ZEB2: variants seen among roughly 807,000 people sequenced by gnomAD.
ZEB2 encodes zinc finger E-box-binding homeobox 2.
Under a neutral mutation model 99.9 loss-of-function variants are expected in ZEB2, and 6 were observed. The ratio of observed to expected loss-of-function variants is 0.06; its 90% CI spans 0.03 to 0.12. ZEB2 has a LOEUF of 0.12. Among genes scored for constraint, ZEB2 ranks in the 10% least tolerant of loss-of-function variants. The pLI, the probability that ZEB2 is intolerant of heterozygous loss-of-function variation, is 1.00. For missense variants in ZEB2, 969 were observed against 1,502.8 expected (o/e 0.64, Z 5.87); for synonymous variants, 517 against 542.5 (o/e 0.95, Z 0.65).
chr2:144,481,754 G>A (rs1046175502), intron 2 of ZEB2, among the ~76,000 whole-genome samples: 5 of 152,138 alleles, frequency 3.3e-5, no homozygotes, highest in African/African-American at 9.7e-5. Flanking sequence ...ATGTGTGCAC[G>A]AGTTACTTTA....
intron 9 of ZEB2, among the ~76,000 whole-genome samples, chr2:144,391,450 G>A (rs1703153086): frequency 6.6e-6 from 1 of 152,182 alleles, no homozygotes; most frequent in Non-Finnish European, 1.5e-5. Context: ...CCTACTTCAA[G>A]GTAGCTCATA....
intron 2 of ZEB2, among the ~76,000 whole-genome samples, chr2:144,441,959 A>C (rs1703923880): frequency 6.6e-6 from 1 of 152,230 alleles, no homozygotes; most frequent in South Asian, 2.1e-4. Flanking sequence ...ATTATTCAGA[A>C]GTTTACATAG....
intron 7 of ZEB2, 105 bp from the exon 8 acceptor site, chr2:144,400,375 G>C (rs1703294220): frequency 8.0e-7 from 1 of 1,255,310 alleles, no homozygotes; most frequent in African/African-American, 1.5e-5. Flanking sequence ...GAACACAATG[G>C]GGTACCTCTA....
intron 2 of ZEB2, chr2:144,495,417 G>A (rs1704744295): frequency 6.6e-6 from 1 of 152,134 alleles, no homozygotes; most frequent in Non-Finnish European, 1.5e-5. Context: ...ACTACATTAG[G>A]AGGGAAACGC....
At chr2:144,492,919 T>C (rs1004830182) in intron 2 of ZEB2, among the ~76,000 whole-genome samples, 12 of 152,222 alleles carry the variant, frequency 7.9e-5, no homozygotes, top group Non-Finnish European at 1.6e-4. Flanking sequence ...TGTCATGGCC[T>C]GAGCTGAGAT....
rs768856831 is a variant in ZEB2 at position 144,398,751 on chromosome 2, C to T, written c.2436G>A (p.Gln812=). The T allele has an allele frequency of 7.4e-6, 12 of 1,614,088 alleles. No homozygotes were observed. The highest frequency in any genetic ancestry group is 1.0e-5 in the Non-Finnish European group (12 of 1,180,020). Residue 812 remains glutamine, a synonymous_variant, in exon 8 of 10, where the codon CAG becomes CAA. Transcript: ENST00000627532. ...GTAATGACAAGTCTAAAGGCTCAGC[C>T]TGGAGCTCCTCAGAAGAGAAGCTGT... The part of the protein sequence containing the change: ...TPNSFSSEEL[Q]AEPLDLSLPK...
intron 2 of ZEB2, among the ~76,000 whole-genome samples, chr2:144,440,511 A>ATT (rs1703897108): frequency 3.3e-5 from 1 of 30,244 alleles, no homozygotes; most frequent in African/African-American, 1.3e-4. Flanking sequence ...ATATATATAT[A>ATT]TATATTTTTT....
intron 2 of ZEB2, among the ~76,000 whole-genome samples, chr2:144,511,090 C>T (rs755023801): frequency 4.6e-5 from 7 of 152,180 alleles, no homozygotes; most frequent in Admixed American, 6.5e-5. Flanking sequence ...ATTTGCCTCC[C>T]ACCAGATGAC....
intron 7 of ZEB2, 164 bp from the exon 8 acceptor site, chr2:144,400,434 C>T (rs1411584252): frequency 4.5e-5 from 35 of 771,576 alleles, no homozygotes; most frequent in Non-Finnish European, 7.3e-5. Flanking sequence ...CATTTCTGAA[C>T]TTTATCTGCC....
intron 9 of ZEB2, among the ~76,000 whole-genome samples, chr2:144,394,813 C>T (rs1703199552): frequency 6.6e-6 from 1 of 152,132 alleles, no homozygotes; most frequent in African/African-American, 2.4e-5. Context: ...CACAAAAACC[C>T]TCCCCACACT....
rs1308967544 is a variant in ZEB2 at position 144,387,164 on chromosome 2, T to G, written c.*2287A>C. 1 of 151,650 alleles carries G rather than the reference T, an allele frequency of 6.6e-6. No homozygotes were observed. Among genetic ancestry groups the G allele is most frequent in the East Asian group, 1.9e-4 (1 of 5,156 alleles). The allele number at this position is 151,650 out of a possible 1,614,324, so 9.4% of individuals were successfully genotyped here. A position where few individuals can be genotyped will look rare whatever the true frequency, so the allele number is the denominator to read the frequency against. On this transcript the variant is annotated 3_prime_UTR_variant, in exon 10 of 10. Transcript: ENST00000627532. ...ATTATGGCTAAGGAATAAATATAAA[T>G]ATGTTGTTCTTGCCAACTGGAAATA...
chr2:144,443,662 A>G (rs1414150897), intron 2 of ZEB2, among the ~76,000 whole-genome samples: 1 of 152,158 alleles, frequency 6.6e-6, no homozygotes, highest in Non-Finnish European at 1.5e-5. Flanking sequence ...GCTTGTGTTC[A>G]TTATATTTTT....
Position 144,389,367 on chromosome 2 carries a change from T to A in ZEB2, c.*84A>T, listed in dbSNP as rs1573707318. ...TTCCTGGAAGCGTCAGGCACGTGCA[T>A]GAACAGCTTAACACAGCAGTGTTTT... On this transcript the variant is annotated 3_prime_UTR_variant, in exon 10 of 10. Coordinates refer to ENST00000627532, the MANE Select transcript of ZEB2 (RefSeq NM_014795.4). This position sits in a 1 kb window ranked among gnomAD's most constrained non-coding sequence, Gnocchi z 6.8. The A allele has an allele frequency of 3.5e-5, 53 of 1,507,228 alleles. No individual in the cohort carries two copies. Among genetic ancestry groups the A allele is most frequent in the Non-Finnish European group, 4.7e-5 (51 of 1,084,914 alleles). The allele number at this position is 1,507,228 out of a possible 1,614,324, so 93.4% of individuals were successfully genotyped here.
intron 4 of ZEB2, among the ~76,000 whole-genome samples, chr2:144,416,979 A>G (rs1198846805): frequency 6.6e-6 from 1 of 152,376 alleles, no homozygotes; most frequent in Non-Finnish European, 1.5e-5. Context: ...GCTAGAAATG[A>G]TAGCGCATTT....
intron 2 of ZEB2, among the ~76,000 whole-genome samples, chr2:144,441,208 A>AGAGAGAGAGC (rs59338642): frequency 6.9e-6 from 1 of 145,536 alleles, no homozygotes; most frequent in Non-Finnish European, 1.5e-5. Flanking sequence ...AGAGAGAGAG[A>AGAGAGAGAGC]ACCTCATGCC....
At chr2:144,485,887 G>A (rs1168650181) in intron 2 of ZEB2, among the ~76,000 whole-genome samples, 1 of 152,166 alleles carries the variant, frequency 6.6e-6, no homozygotes, top group East Asian at 1.9e-4. Flanking sequence ...CCAAAGTGCT[G>A]GGATTACAGG....
At chr2:144,469,825 A>G (rs1370490608) in intron 2 of ZEB2, among the ~76,000 whole-genome samples, 1 of 152,198 alleles carries the variant, frequency 6.6e-6, no homozygotes, top group Non-Finnish European at 1.5e-5. Context: ...ATTTACAAAC[A>G]AATTACTTGT....
intron 2 of ZEB2, among the ~76,000 whole-genome samples, chr2:144,501,607 C>A (rs1704870477): frequency 6.6e-6 from 1 of 152,048 alleles, no homozygotes; most frequent in South Asian, 2.1e-4. Context: ...GCAGTTAATA[C>A]CAAGATAGGG....
chr2:144,439,530 G>C (rs934015618), intron 2 of ZEB2, among the ~76,000 whole-genome samples: 2 of 152,240 alleles, frequency 1.3e-5, no homozygotes, highest in African/African-American at 4.8e-5. Flanking sequence ...TTCTGCAGCA[G>C]GGCCTGTGTG....
Sources: gnomAD v4.1 joint callset for allele counts (sites outside exome capture counted in the v4.1 genomes callset) on GRCh38, gnomAD v4.1.1 for gene constraint, Gnocchi (gnomAD v3.1) non-coding constraint, MANE v1.5 for transcripts, NCBI Gene and HGNC (gene_info 2026-07-23, HGNC 2026-07-21) for gene names.